Variants in BAG3 observed in about 807,000 individuals in gnomAD.
BAG3 encodes the protein BAG cochaperone 3.
A neutral mutation model predicts 40.5 loss-of-function variants in BAG3; 14 were observed. The ratio of observed to expected loss-of-function variants is 0.35; its 90% CI spans 0.23 to 0.54. BAG3 has a LOEUF of 0.54. Among genes scored for constraint, BAG3 ranks in the 20% least tolerant of loss-of-function variants. The probability of loss-of-function intolerance (pLI) is 0.91; values close to 1 mark genes in which losing one functional copy is unlikely to be tolerated. For missense variants in BAG3, 788 were observed against 758.6 expected (o/e 1.04, Z -0.46); for synonymous variants, 302 against 307.8 (o/e 0.98, Z 0.20).
chr10:119,656,198 T>C (rs547206013), intron 1 of BAG3, among the ~76,000 whole-genome samples: 6 of 152,270 alleles, frequency 3.9e-5, no homozygotes, highest in East Asian at 1.9e-4. Context: ...CAGAAGAAAC[T>C]GAAGACAAAG....
In BAG3 at chr10:119,672,710, G is replaced by T; in HGVS notation, c.909+54G>T. The T allele has an allele frequency of 1.2e-6, 2 of 1,603,416 alleles. No homozygotes were observed. Among genetic ancestry groups the T allele is most frequent in the South Asian group, 2.2e-5 (2 of 90,894 alleles). ...GTTATGGTGGTATGTCTCCAGGGGT[G>T]CAGGAGCTCTGTGGGTGCCCTGGGT... On this transcript the variant is annotated intron_variant, in intron 3 of 3. Transcript: ENST00000369085. The surrounding 1 kb of genome is among the most constrained non-coding windows in gnomAD (Gnocchi z 4.8).
chr10:119,660,913 G>A (rs576591134), intron 1 of BAG3, among the ~76,000 whole-genome samples: 1 of 151,880 alleles, frequency 6.6e-6, no homozygotes, highest in Non-Finnish European at 1.5e-5. Flanking sequence ...GGCCAACATG[G>A]TGAAACCCCA....
chr10:119,675,654 C>A (rs1847207940), intron 3 of BAG3, among the ~76,000 whole-genome samples: 1 of 152,166 alleles, frequency 6.6e-6, no homozygotes, highest in African/African-American at 2.4e-5. Context: ...GGCAGCGACT[C>A]CAAGGCTGCA....
chr10:119,655,677 C>T (rs755224686), intron 1 of BAG3, among the ~76,000 whole-genome samples: 5 of 152,140 alleles, frequency 3.3e-5, no homozygotes, highest in African/African-American at 4.8e-5. Context: ...AGTTCCTGTG[C>T]GACTGCATGA....
At chr10:119,674,541 G>A (rs959039993) in intron 3 of BAG3, among the ~76,000 whole-genome samples, 1 of 152,186 alleles carries the variant, frequency 6.6e-6, no homozygotes, top group African/African-American at 2.4e-5. Flanking sequence ...CAAACTGAAC[G>A]TTATAGTGGA....
intron 1 of BAG3, among the ~76,000 whole-genome samples, chr10:119,665,144 A>ATATTT (rs1229780180): frequency 1.1e-5 from 1 of 88,790 alleles, no homozygotes; most frequent in African/African-American, 4.5e-5. Context: ...ATATATATAT[A>ATATTT]TTTTTTTTTT....
At chr10:119,668,485 C>A (rs1178592283) in intron 1 of BAG3, among the ~76,000 whole-genome samples, 1 of 152,256 alleles carries the variant, frequency 6.6e-6, no homozygotes, top group Non-Finnish European at 1.5e-5. Flanking sequence ...TTGCCTTACA[C>A]AGATATATGC....
At chr10:119,663,276 C>G (rs764439242) in intron 1 of BAG3, among the ~76,000 whole-genome samples, 8 of 151,574 alleles carry the variant, frequency 5.3e-5, no homozygotes, top group African/African-American at 1.4e-4. Flanking sequence ...GCTTCCTTCT[C>G]TTCATTTGTT....
intron 3 of BAG3, among the ~76,000 whole-genome samples, chr10:119,675,789 TC>T (rs1233768829): frequency 1.0e-3 from 69 of 67,050 alleles, no homozygotes; most frequent in East Asian, 4.8e-3. Context: ...CCCCCTCCCT[TC>T]CCCCCTTCCC....
At chr10:119,668,612 T>G (rs1477117009) in intron 1 of BAG3, among the ~76,000 whole-genome samples, 1 of 152,234 alleles carries the variant, frequency 6.6e-6, no homozygotes, top group African/African-American at 2.4e-5. Flanking sequence ...AGTGAGTGAC[T>G]GGCCAGCCTT....
chr10:119,673,939 ATGG>A (rs1447958456), intron 3 of BAG3, among the ~76,000 whole-genome samples: 1 of 152,252 alleles, frequency 6.6e-6, no homozygotes, highest in Non-Finnish European at 1.5e-5. Flanking sequence ...GTTCATAACC[ATGG>A]TAGACTTACC....
At chr10:119,661,763 C>G (rs1846994767) in intron 1 of BAG3, among the ~76,000 whole-genome samples, 1 of 151,984 alleles carries the variant, frequency 6.6e-6, no homozygotes, top group African/African-American at 2.4e-5. Context: ...AGCCTAACTC[C>G]TCAGGTGTCC....
In BAG3 at chr10:119,669,945, G is replaced by A. The variant is rs748551828; in HGVS notation, c.275G>A (p.Gly92Asp). The A allele has an allele frequency of 1.2e-6, 2 of 1,614,228 alleles. No individual in the cohort carries two copies. The highest frequency in any genetic ancestry group is 1.1e-5 in the South Asian group (1 of 91,082). Reference sequence around the variant, plus strand: ...CCTGTGTACCCCCAGCTCCGACCAGGCTACATTCCCATTCCTGTGCTCCAT... The same window carrying A: ...CCTGTGTACCCCCAGCTCCGACCAGACTACATTCCCATTCCTGTGCTCCAT... ...GHPVYPQLRP[G>D]YIPIPVLHEG... The change falls in exon 2 of 4, where the codon GGC (glycine) becomes GAC (aspartate). Residue 92 changes from glycine (G) to aspartate (D), a missense_variant. Transcript: ENST00000369085.
At chr10:119,658,552 C>T (rs945314018) in intron 1 of BAG3, among the ~76,000 whole-genome samples, 7 of 152,180 alleles carry the variant, frequency 4.6e-5, no homozygotes, top group African/African-American at 1.2e-4. Flanking sequence ...CGTGGCTGGG[C>T]GAAATGGAAG....
intron 3 of BAG3, among the ~76,000 whole-genome samples, chr10:119,675,962 G>C (rs1172255743): frequency 2.7e-5 from 2 of 74,892 alleles, no homozygotes; most frequent in South Asian, 7.0e-4. Flanking sequence ...ATCTCGCTCT[G>C]TCACTCAGGC....
At position 119,667,762 on chromosome 10, in the gene BAG3, C is replaced by T. The variant is rs116929946; in HGVS notation, c.181-2089C>T. On this transcript the variant is annotated intron_variant, in intron 1 of 3. Coordinates refer to ENST00000369085, the MANE Select transcript of BAG3 (RefSeq NM_004281.4). Reference sequence around the variant, plus strand: ...GTGGTGGATGAGGGTTTGCTCACTGCTGGTCCCTGCTGTGTGGAGTGTGCA... The same window carrying T: ...GTGGTGGATGAGGGTTTGCTCACTGTTGGTCCCTGCTGTGTGGAGTGTGCA... Among the ~76,000 whole-genome samples the T allele has an allele frequency of 4.5e-3, 687 of 152,330 alleles. 5 individuals carry two copies. Among genetic ancestry groups the T allele is most frequent in the Admixed American group, 7.3e-3 (111 of 15,300 alleles).
chr10:119,652,122 G>T (rs988426421), intron 1 of BAG3, among the ~76,000 whole-genome samples: 1 of 152,088 alleles, frequency 6.6e-6, no homozygotes, highest in Non-Finnish European at 1.5e-5. Flanking sequence ...TGGCTCCGGT[G>T]CCGTCCACGG....
chr10:119,656,452 C>T (rs1157222435), intron 1 of BAG3, among the ~76,000 whole-genome samples: 1 of 146,332 alleles, frequency 6.8e-6, no homozygotes, highest in African/African-American at 2.6e-5. Context: ...GCGATCTTGG[C>T]TCACTGCAAC....
chr10:119,666,547 T>TGTGCTCAGCGAGATGCACGAG (rs1186023347), intron 1 of BAG3, among the ~76,000 whole-genome samples: 95 of 150,860 alleles, frequency 6.3e-4, no homozygotes, highest in Non-Finnish European at 6.1e-4. Flanking sequence ...AGGCACAAAA[T>TGTGCTCAGCGAGATGCACGAG]GTGCTCAGCG....
Sources: gnomAD v4.1 joint callset for allele counts (sites outside exome capture counted in the v4.1 genomes callset) on GRCh38, gnomAD v4.1.1 for gene constraint, Gnocchi (gnomAD v3.1) non-coding constraint, MANE v1.5 for transcripts, NCBI Gene and HGNC (gene_info 2026-07-23, HGNC 2026-07-21) for gene names.